Variants in TUBGCP3 observed in about 807,000 individuals in gnomAD.
TUBGCP3 encodes the protein tubulin gamma complex component 3.
A neutral mutation model predicts 123.1 loss-of-function variants in TUBGCP3; 50 were observed. That is an observed-to-expected ratio of 0.41 (90% CI 0.32 to 0.51). The LOEUF (loss-of-function observed/expected upper bound fraction) is 0.51. Ranked by LOEUF, TUBGCP3 falls within the 20% of genes least tolerant of loss-of-function variation. The pLI, the probability that TUBGCP3 is intolerant of heterozygous loss-of-function variation, is 0.36. For synonymous variants in TUBGCP3, 405 were observed against 413.9 expected, an observed-to-expected ratio of 0.98 and a Z score of 0.26; for missense variants, 882 against 1,127.0, an observed-to-expected ratio of 0.78 and a Z score of 3.11.
intron 20 of TUBGCP3, among the ~76,000 whole-genome samples, chr13:112,496,720 C>T (rs1880551123): frequency 6.6e-6 from 1 of 152,136 alleles, no homozygotes. Flanking sequence ...GGCGCGGTGG[C>T]TCATGCTTGT....
chr13:112,521,223 C>T (rs1269747517), intron 14 of TUBGCP3, among the ~76,000 whole-genome samples: 1 of 152,186 alleles, frequency 6.6e-6, no homozygotes, highest in South Asian at 2.1e-4. Context: ...TCATCACAAC[C>T]AGCATTTACT....
intron 1 of TUBGCP3, among the ~76,000 whole-genome samples, chr13:112,571,416 G>A (rs1881378507): frequency 6.6e-6 from 1 of 152,170 alleles, no homozygotes; most frequent in Non-Finnish European, 1.5e-5. Context: ...CTTAATAGGA[G>A]GCTTAAAATA....
At chr13:112,486,794 G>A (rs1041616029) in intron 21 of TUBGCP3, among the ~76,000 whole-genome samples, 5 of 152,192 alleles carry the variant, frequency 3.3e-5, no homozygotes, top group South Asian at 2.1e-4. Flanking sequence ...GCCCATCCCC[G>A]CCCAGTGCTG....
At chr13:112,496,902 C>T (rs1255051325) in intron 20 of TUBGCP3, among the ~76,000 whole-genome samples, 24 of 151,266 alleles carry the variant, frequency 1.6e-4, no homozygotes, top group Admixed American at 1.5e-3. Context: ...AGGAGAATGG[C>T]GTGAACCCAG....
intron 6 of TUBGCP3, 43 bp from the exon 7 acceptor site, chr13:112,555,048 T>C (rs752004995): frequency 6.4e-6 from 8 of 1,251,266 alleles, no homozygotes; most frequent in Admixed American, 4.2e-5. Context: ...TAGACAATAT[T>C]TTAACAGACA....
chr13:112,524,726 C>T lies in TUBGCP3; in HGVS notation c.1555+2216G>A, dbSNP rs1237227182. On this transcript the variant is annotated intron_variant, in intron 13 of 21. Coordinates refer to ENST00000261965, the MANE Select transcript of TUBGCP3 (RefSeq NM_006322.6). The surrounding 1 kb of genome is among the most constrained non-coding windows in gnomAD (Gnocchi z 4.4). ...GAAAGGGTGTCTCCCCTGGACCACA[C>T]GGGAGCTCTTGCTACACCATCCTGC... Among the ~76,000 whole-genome samples, 2 of 152,124 alleles carry T rather than the reference C, an allele frequency of 1.3e-5. No homozygotes were observed. Among genetic ancestry groups the T allele is most frequent in the East Asian group, 1.9e-4 (1 of 5,200 alleles).
chr13:112,561,172 C>T (rs1566579814), intron 3 of TUBGCP3, among the ~76,000 whole-genome samples: 1 of 152,164 alleles, frequency 6.6e-6, no homozygotes, highest in Admixed American at 6.5e-5. Context: ...AGAGGAAGAC[C>T]GCTGTTATCT....
chr13:112,596,047 A>T, the TUBGCP3 span, among the ~76,000 whole-genome samples: 1 of 152,158 alleles, frequency 6.6e-6, no homozygotes, highest in Admixed American at 6.5e-5. Context: ...GGTGTGAATG[A>T]ACGCAATCTC....
chr13:112,569,061 A>G, intron 2 of TUBGCP3, 91 bp downstream of exon 2: 2 of 1,180,906 alleles, frequency 1.7e-6, no homozygotes. Context: ...CTTGGGAACT[A>G]CATACACACC....
At chr13:112,567,031 G>C (rs552556386) in intron 2 of TUBGCP3, among the ~76,000 whole-genome samples, 4 of 152,344 alleles carry the variant, frequency 2.6e-5, no homozygotes, top group African/African-American at 7.2e-5. Context: ...AATTTCAAAT[G>C]TCTAAGCATT....
intron 1 of TUBGCP3, among the ~76,000 whole-genome samples, chr13:112,572,024 C>A (rs931895680): frequency 6.6e-6 from 1 of 152,204 alleles, no homozygotes; most frequent in Non-Finnish European, 1.5e-5. Flanking sequence ...AAACTTTCTC[C>A]ATATTAGCAA....
chr13:112,580,464 C>G (rs1266473450), intron 1 of TUBGCP3, among the ~76,000 whole-genome samples: 1 of 144,682 alleles, frequency 6.9e-6, no homozygotes, highest in South Asian at 2.3e-4. Flanking sequence ...AGATCCTTCT[C>G]AAAAAAAAAA....
intron 13 of TUBGCP3, among the ~76,000 whole-genome samples, chr13:112,525,926 C>CTA (rs1451397162): frequency 1.3e-5 from 2 of 152,112 alleles, no homozygotes; most frequent in East Asian, 1.9e-4. Flanking sequence ...TTACACAGTA[C>CTA]TATATATATA....
chr13:112,569,969 G>T (rs1881274507), intron 1 of TUBGCP3, among the ~76,000 whole-genome samples: 1 of 152,136 alleles, frequency 6.6e-6, no homozygotes, highest in Admixed American at 6.5e-5. Flanking sequence ...AGAAATAACA[G>T]TTCCCACTGC....
At chr13:112,550,095 G>A (rs1361063512) in intron 8 of TUBGCP3, among the ~76,000 whole-genome samples, 2 of 151,944 alleles carry the variant, frequency 1.3e-5, no homozygotes, top group Non-Finnish European at 2.9e-5. Context: ...CCAGTCCTGT[G>A]GCAAGAGCCT....
chr13:112,600,059 C>A, the TUBGCP3 span, among the ~76,000 whole-genome samples: 12 of 152,204 alleles, frequency 7.9e-5, no homozygotes, highest in Non-Finnish European at 1.8e-4. Flanking sequence ...ACGAATCCCA[C>A]ACTTGTGCAC....
the TUBGCP3 span, chr13:112,604,685 A>C: frequency 6.6e-6 from 1 of 152,246 alleles, no homozygotes; most frequent in East Asian, 1.9e-4. Flanking sequence ...GAAACCACAA[A>C]AAATACCCAA....
rs527951028 is a variant in TUBGCP3 at position 112,499,055 on chromosome 13, C to A, written c.2438G>T (p.Arg813Leu). 6.2e-7 allele frequency: 1 copy of A among 1,614,150 alleles called. No homozygotes were observed. Among genetic ancestry groups the A allele is most frequent in the African/African-American group, 1.3e-5 (1 of 75,030 alleles). The change falls in exon 20 of 22, where the codon CGT (arginine) becomes CTT (leucine). Residue 813 changes from arginine to leucine, a missense_variant. This residue lies in a region of TUBGCP3 where 160 missense variants were observed against 220.3 expected (regional missense o/e 0.73). Coordinates refer to ENST00000261965, the MANE Select transcript of TUBGCP3 (RefSeq NM_006322.6). ...RLQFEEKKKQREIEGQWGVTA... is the reference protein window; with the variant it reads ...RLQFEEKKKQLEIEGQWGVTA... Reference sequence around the variant, plus strand: ...GTGTAAAGACCATACCTCAATTTCACGCTGTTTCTTTTTCTCTTCAAACTG... The same window carrying A: ...GTGTAAAGACCATACCTCAATTTCAAGCTGTTTCTTTTTCTCTTCAAACTG...
intron 5 of TUBGCP3, among the ~76,000 whole-genome samples, chr13:112,557,521 A>C (rs1880140543): frequency 6.6e-6 from 1 of 152,264 alleles, no homozygotes; most frequent in South Asian, 2.1e-4. Context: ...GATTTCCGGG[A>C]ACCAACTATG....
Sources: allele counts gnomAD v4.1 joint callset (sites outside exome capture counted in the v4.1 genomes callset), GRCh38; gene constraint gnomAD v4.1.1; regional missense constraint gnomAD v4.1.1; non-coding constraint Gnocchi (gnomAD v3.1); transcripts MANE v1.5; gene names NCBI Gene and HGNC (gene_info 2026-07-23, HGNC 2026-07-21).